Variants in MEST observed in about 807,000 individuals in gnomAD.
MEST encodes mesoderm specific transcript, also known as mesoderm-specific transcript homolog protein.
A neutral mutation model predicts 50.9 loss-of-function variants in MEST; 18 were observed. The observed-to-expected ratio is 0.35, with a 90% confidence interval of 0.24 to 0.52. The LOEUF (loss-of-function observed/expected upper bound fraction) is 0.52. Ranked by LOEUF, MEST falls within the 20% of genes least tolerant of loss-of-function variation. The probability of loss-of-function intolerance (pLI) is 0.94; values close to 1 mark genes in which losing one functional copy is unlikely to be tolerated. For synonymous variants in MEST, 130 were observed against 154.1 expected, an observed-to-expected ratio of 0.84 and a Z score of 1.16; for missense variants, 282 against 425.3, an observed-to-expected ratio of 0.66 and a Z score of 2.96.
In MEST at chr7:130,503,642, T is replaced by A. The variant is rs554189537; in HGVS notation, c.827-291T>A. ...TGGGCAACATAGTGAGAAAAATTTT[T>A]CTCTACAGATAATTTAAAAGTTAGC... On this transcript the variant is annotated intron_variant, in intron 10 of 11. Transcript: ENST00000223215. Among the ~76,000 whole-genome samples the A allele has an allele frequency of 1.3e-4, 20 of 152,228 alleles. No homozygotes were observed. The South Asian group carries it at 4.1e-3, about 32-fold the overall frequency.
rs1799124594 is a variant in MEST, at chr7:130,497,882, G to A, written c.262-54G>A. ...GAAGCTCCTGTGCAACTGTAGGTCTGGTGAAAGGGAGGGGCAGGAGCAGAA... is the reference window on the plus strand; with the variant it reads ...GAAGCTCCTGTGCAACTGTAGGTCTAGTGAAAGGGAGGGGCAGGAGCAGAA... On this transcript the variant is annotated intron_variant, in intron 3 of 11. Coordinates refer to ENST00000223215, the MANE Select transcript of MEST (RefSeq NM_002402.4). The surrounding 1 kb of genome is among the most constrained non-coding windows in gnomAD (Gnocchi z 4.0). 2.6e-6 allele frequency: 4 copies of A among 1,534,532 alleles called. No homozygotes were observed. The South Asian group carries it at 4.5e-5, about 17-fold the overall frequency.
chr7:130,505,972 T>C lies in MEST; in HGVS notation c.*916T>C, dbSNP rs1799463362. ...TTGTTGTGTAGTCAAGTCACCATGCTGAATGTACACTGATTCCTTTATGAT... is the reference window on the plus strand; with the variant it reads ...TTGTTGTGTAGTCAAGTCACCATGCCGAATGTACACTGATTCCTTTATGAT... On this transcript the variant is annotated 3_prime_UTR_variant, in exon 12 of 12. Coordinates refer to ENST00000223215, the MANE Select transcript of MEST (RefSeq NM_002402.4). 1 of 152,558 alleles carries C rather than the reference T, an allele frequency of 6.6e-6. No individual in the cohort carries two copies. The highest frequency in any genetic ancestry group is 2.1e-4 in the South Asian group (1 of 4,818). 9.5% of individuals were successfully genotyped at this position (152,558 alleles called of 1,614,324 possible).
In MEST at chr7:130,500,628, A is replaced by C. The variant is rs1445986856; in HGVS notation, c.647+96A>C. The C allele has an allele frequency of 3.7e-6, 5 of 1,369,424 alleles. No homozygotes were observed. In the African/African-American group the frequency reaches 7.2e-5, roughly 20 times the overall value. The allele number at this position is 1,369,424 out of a possible 1,614,324, so 84.8% of individuals were successfully genotyped here. On this transcript the variant is annotated intron_variant, in intron 8 of 11. Transcript: ENST00000223215. The surrounding 1 kb of genome is among the most constrained non-coding windows in gnomAD (Gnocchi z 5.0). Reference sequence around the variant, plus strand: ...CCAAATCCTAAGGCTTGATATTTTAAAGCAAAGGTGTTGGCCGCTTGCCAG... The same window carrying C: ...CCAAATCCTAAGGCTTGATATTTTACAGCAAAGGTGTTGGCCGCTTGCCAG...
chr7:130,498,157 A>G lies in MEST; in HGVS notation c.358A>G (p.Ile120Val). Reference protein sequence around the residue: ...SDKPRPHHYSIFEQASIVEAL... With the variant: ...SDKPRPHHYSVFEQASIVEAL... ...TCCTCAGAGACCACATCACTATTCC[A>G]TATTTGAGCAGGCCAGCATCGTGGA... is the stretch of plus-strand genomic sequence containing the variant. Residue 120 changes from isoleucine to valine, a missense_variant, in exon 5 of 12, where the codon ATA (isoleucine) becomes GTA (valine). Physicochemically the swap from Ile to Val is conservative, Grantham distance 29. Coordinates refer to ENST00000223215, the MANE Select transcript of MEST (RefSeq NM_002402.4). 3 of 1,614,064 alleles carry G rather than the reference A, an allele frequency of 1.9e-6. No individual in the cohort carries two copies. The highest frequency in any genetic ancestry group is 2.5e-6 in the Non-Finnish European group (3 of 1,180,016).
intron 1 of MEST, 97 bp from the exon 2 acceptor site, chr7:130,495,271 A>G (rs1799002707): frequency 7.9e-7 from 1 of 1,271,880 alleles, no homozygotes; most frequent in Non-Finnish European, 1.1e-6. Context: ...ATTGCATGGT[A>G]ACAGCAATCT....
At chr7:130,493,493 G>A (rs1397174413) in intron 1 of MEST, among the ~76,000 whole-genome samples, 4 of 152,136 alleles carry the variant, frequency 2.6e-5, no homozygotes, top group African/African-American at 7.2e-5. Flanking sequence ...GTTCATGGGG[G>A]CATTTTTACT....
intron 10 of MEST, among the ~76,000 whole-genome samples, chr7:130,502,970 T>A (rs1371677057): frequency 6.6e-6 from 1 of 152,218 alleles, no homozygotes; most frequent in Non-Finnish European, 1.5e-5. Context: ...GTATCCTTTA[T>A]TTTACTGGCA....
Position 130,500,038 on chromosome 7 carries a change from C to A in MEST, c.576+123C>A. On this transcript the variant is annotated intron_variant, in intron 7 of 11. Coordinates refer to ENST00000223215, the MANE Select transcript of MEST (RefSeq NM_002402.4). This position sits in a 1 kb window ranked among gnomAD's most constrained non-coding sequence, Gnocchi z 5.0. ...GTTAAATCCTCTTCCTTGTGAATTT[C>A]TATTAATGAAGTTACTTTTTCCCTT... 1.2e-6 allele frequency: 1 copy of A among 867,064 alleles called. No homozygotes were observed. The highest frequency in any genetic ancestry group is 1.8e-6 in the Non-Finnish European group (1 of 564,284). 53.7% of individuals were successfully genotyped at this position (867,064 alleles called of 1,614,324 possible). A position where few individuals can be genotyped will look rare whatever the true frequency, so the allele number is the denominator to read the frequency against.
At chr7:130,498,567 T>C (rs2116273543) in intron 6 of MEST, 90 bp downstream of exon 6, 2 of 1,183,466 alleles carry the variant, frequency 1.7e-6, no homozygotes. Context: ...TCTGATAATA[T>C]TTCAAGTAGA....
At position 130,497,290 on chromosome 7, in the gene MEST, G is replaced by A. The variant is rs372929610; in HGVS notation, c.261+55G>A. ...ATGTCTTAAAAAATCTCGGCCGGGC[G>A]CGGGGGCTCAAATCCTAGCACTTTG... On this transcript the variant is annotated intron_variant, in intron 3 of 11. Coordinates refer to ENST00000223215, the MANE Select transcript of MEST (RefSeq NM_002402.4). This position sits in a 1 kb window ranked among gnomAD's most constrained non-coding sequence, Gnocchi z 4.0. 1.8e-4 allele frequency: 269 copies of A among 1,478,698 alleles called. No individual in the cohort carries two copies. In the African/African-American group the frequency reaches 2.8e-3, roughly 15 times the overall value. The allele number at this position is 1,478,698 out of a possible 1,614,324, so 91.6% of individuals were successfully genotyped here. A position where few individuals can be genotyped will look rare whatever the true frequency, so the allele number is the denominator to read the frequency against.
At position 130,500,353 on chromosome 7, in the gene MEST, C is replaced by A; in HGVS notation, c.577-109C>A. The A allele has an allele frequency of 1.1e-6, 1 of 905,840 alleles. No individual in the cohort carries two copies. Among genetic ancestry groups the A allele is most frequent in the Non-Finnish European group, 1.7e-6 (1 of 591,812 alleles). 56.1% of individuals were successfully genotyped at this position (905,840 alleles called of 1,614,324 possible). On this transcript the variant is annotated intron_variant, in intron 7 of 11. Transcript: ENST00000223215. This position sits in a 1 kb window ranked among gnomAD's most constrained non-coding sequence, Gnocchi z 5.0. ...ACAAAATGCCAAGTACCAAACCATT[C>A]AGTAGCAGGAGATTTGGCTAAAGAT... is the stretch of plus-strand genomic sequence containing the variant.
chr7:130,503,349 A>G (rs1799347682), intron 10 of MEST, among the ~76,000 whole-genome samples: 1 of 152,238 alleles, frequency 6.6e-6, no homozygotes, highest in African/African-American at 2.4e-5. Flanking sequence ...AAAGTTGGGC[A>G]TATCCCATTT....
chr7:130,488,571 A>G (rs1360650478), upstream of MEST: 1 of 152,114 alleles, frequency 6.6e-6, no homozygotes, highest in Non-Finnish European at 1.5e-5. Context: ...TCACATCCTA[A>G]CACTTAGCGT....
chr7:130,499,703 G>A (rs1209540864), intron 6 of MEST, among the ~76,000 whole-genome samples, 172 bp from the exon 7 acceptor site: 1 of 152,046 alleles, frequency 6.6e-6, no homozygotes, highest in African/African-American at 2.4e-5. Flanking sequence ...TGACCTAAAT[G>A]TAGGTAGGCT....
chr7:130,500,157 T>G lies in MEST; in HGVS notation c.576+242T>G, dbSNP rs1387717282. On this transcript the variant is annotated intron_variant, in intron 7 of 11. Transcript: ENST00000223215. This position sits in a 1 kb window ranked among gnomAD's most constrained non-coding sequence, Gnocchi z 5.0. Reference sequence around the variant, plus strand: ...AACAAATATTTGGAGAAATTACAGCTATGGAAAGATCTGTGTCACAAGCTT... The same window carrying G: ...AACAAATATTTGGAGAAATTACAGCGATGGAAAGATCTGTGTCACAAGCTT... 2 of 554,014 alleles carry G rather than the reference T, an allele frequency of 3.6e-6. No homozygotes were observed. Among genetic ancestry groups the G allele is most frequent in the Non-Finnish European group, 6.3e-6 (2 of 317,582 alleles). 34.3% of individuals were successfully genotyped at this position (554,014 alleles called of 1,614,324 possible).
At chr7:130,495,123 C>T (rs1260630739) in intron 1 of MEST, among the ~76,000 whole-genome samples, 1 of 151,948 alleles carries the variant, frequency 6.6e-6, no homozygotes, top group African/African-American at 2.4e-5. Context: ...GGAGCAGAGG[C>T]AGAAGATTAT....
chr7:130,495,640 C>CT, intron 2 of MEST, 118 bp downstream of exon 2: 1 of 1,098,746 alleles, frequency 9.1e-7, no homozygotes, highest in Middle Eastern at 3.1e-4. Flanking sequence ...GAGTATCTCT[C>CT]TCTCTTTCTG....
intron 10 of MEST, among the ~76,000 whole-genome samples, chr7:130,503,182 T>A (rs1799340468): frequency 6.6e-6 from 1 of 152,260 alleles, no homozygotes; most frequent in South Asian, 2.1e-4. Flanking sequence ...TTGTGCTTAT[T>A]TGTCTTTTCA....
chr7:130,489,238 GGAACT>G (rs1171044986), upstream of MEST: 1 of 152,208 alleles, frequency 6.6e-6, no homozygotes, highest in Non-Finnish European at 1.5e-5. Flanking sequence ...ATCATGAGGC[GGAACT>G]GTGTTAGACT....
Sources: allele counts gnomAD v4.1 joint callset (sites outside exome capture counted in the v4.1 genomes callset), GRCh38; gene constraint gnomAD v4.1.1; non-coding constraint Gnocchi (gnomAD v3.1); transcripts MANE v1.5; gene names NCBI Gene and HGNC (gene_info 2026-07-23, HGNC 2026-07-21).